TTC7B: variants seen among roughly 807,000 people sequenced by gnomAD.
TTC7B encodes the protein tetratricopeptide repeat protein 7B.
In TTC7B, 28 loss-of-function variants were observed where a neutral mutation model predicts 106.8. The observed-to-expected ratio is 0.26, with a 90% CI of 0.19 to 0.36. The LOEUF is 0.36. Ranked by LOEUF, TTC7B falls within the 10% of genes least tolerant of loss-of-function variation. TTC7B has a pLI of 1.00. For synonymous variants in TTC7B, 405 were observed against 430.6 expected (o/e 0.94, Z 0.74); for missense variants, 862 against 1,076.4 (o/e 0.80, Z 2.79).
At position 90,759,987 on chromosome 14, in the gene TTC7B, GAATT is replaced by G. The variant is rs764561504; in HGVS notation, c.446-15069_446-15066del. Reference sequence around the variant, plus strand: ...GCACTCACATATTTGCTGATTTAATGAATTAATTAATTATACAGTCTAGTTTGAG... The same window carrying G: ...GCACTCACATATTTGCTGATTTAATGAATTAATTATACAGTCTAGTTTGAG... On this transcript the variant is annotated intron_variant, in intron 3 of 19. Coordinates refer to ENST00000328459, the MANE Select transcript of TTC7B (RefSeq NM_001010854.2). This position sits in a 1 kb window ranked among gnomAD's most constrained non-coding sequence, Gnocchi z 4.1. Among the ~76,000 whole-genome samples, 67 of 152,294 alleles carry G rather than the reference GAATT, an allele frequency of 4.4e-4. No homozygotes were observed. The highest frequency in any genetic ancestry group is 7.2e-4 in the Non-Finnish European group (49 of 68,030).
At chr14:90,801,306 C>T (rs2030253077) in intron 1 of TTC7B, among the ~76,000 whole-genome samples, 1 of 152,044 alleles carries the variant, frequency 6.6e-6, no homozygotes, top group Non-Finnish European at 1.5e-5. Flanking sequence ...CAGGTCCTCC[C>T]CAAGAGTCCC....
In TTC7B at chr14:90,653,051, T is replaced by C. The variant is rs1371048793; in HGVS notation, c.1460-153A>G. Reference sequence around the variant, plus strand: ...GTCCTGCACCAGGCCCTGGAGAAGATAGGAAACAGAGCCCAGTCCTACCCC... The same window carrying C: ...GTCCTGCACCAGGCCCTGGAGAAGACAGGAAACAGAGCCCAGTCCTACCCC... On this transcript the variant is annotated intron_variant, in intron 12 of 19. Coordinates refer to ENST00000328459, the MANE Select transcript of TTC7B (RefSeq NM_001010854.2). 2.6e-5 allele frequency among the ~76,000 whole-genome samples: 4 copies of C among 152,030 alleles called. No individual in the cohort carries two copies. The East Asian group carries it at 5.8e-4, about 22-fold the overall frequency.
At chr14:90,739,490 C>T (rs188030274) in intron 4 of TTC7B, among the ~76,000 whole-genome samples, 144 of 152,280 alleles carry the variant, frequency 9.5e-4, no homozygotes, top group Non-Finnish European at 1.6e-3. Context: ...AACACCTCAG[C>T]GACATCACTG....
chr14:90,553,653 T>C (rs989687332), intron 19 of TTC7B, among the ~76,000 whole-genome samples: 2 of 152,204 alleles, frequency 1.3e-5, no homozygotes, highest in Non-Finnish European at 2.9e-5. Context: ...CTCTTTCCAC[T>C]TGATGGGCCT....
intron 5 of TTC7B, chr14:90,698,536 G>T (rs1020408023): frequency 1.3e-5 from 2 of 152,164 alleles, no homozygotes; most frequent in Non-Finnish European, 2.9e-5. Flanking sequence ...CCTTGCCTGA[G>T]AGAGTGCAAT....
chr14:90,580,750 G>A (rs1041727154), intron 18 of TTC7B, among the ~76,000 whole-genome samples: 5 of 152,180 alleles, frequency 3.3e-5, no homozygotes, highest in African/African-American at 1.2e-4. Flanking sequence ...CTGACCACCC[G>A]CCTCAGCTGA....
intron 5 of TTC7B, among the ~76,000 whole-genome samples, chr14:90,708,081 G>A (rs1888283755): frequency 6.7e-6 from 1 of 149,914 alleles, no homozygotes; most frequent in African/African-American, 2.5e-5. Context: ...AGGAGGTGGA[G>A]GTTGCAGTGA....
chr14:90,796,447 G>T (rs1436030373), intron 1 of TTC7B, among the ~76,000 whole-genome samples: 1 of 152,206 alleles, frequency 6.6e-6, no homozygotes, highest in African/African-American at 2.4e-5. Context: ...AACAGAGCCA[G>T]TCCCCTGAGC....
At chr14:90,620,815 CT>C (rs1269613483) in intron 15 of TTC7B, among the ~76,000 whole-genome samples, 1 of 152,196 alleles carries the variant, frequency 6.6e-6, no homozygotes, top group African/African-American at 2.4e-5. Context: ...GCCTTCTTGG[CT>C]GGAAAAAGAA....
chr14:90,553,471 TG>T (rs35903330), intron 19 of TTC7B, among the ~76,000 whole-genome samples: 11 of 152,208 alleles, frequency 7.2e-5, no homozygotes, highest in African/African-American at 2.7e-4. Flanking sequence ...CTGTCCCTCA[TG>T]GGCAGCACCC....
chr14:90,711,361 C>T (rs939197802), intron 5 of TTC7B, among the ~76,000 whole-genome samples: 1 of 152,094 alleles, frequency 6.6e-6, no homozygotes, highest in Non-Finnish European at 1.5e-5. Flanking sequence ...GAAATTAAGT[C>T]AATACTAACT....
At chr14:90,804,866 A>T (rs147146882) in intron 1 of TTC7B, among the ~76,000 whole-genome samples, 1 of 152,324 alleles carries the variant, frequency 6.6e-6, no homozygotes, top group African/African-American at 2.4e-5. Flanking sequence ...GCCCATCTGC[A>T]TTTGCGGAGA....
intron 14 of TTC7B, 57 bp from the exon 15 acceptor site, chr14:90,644,265 ACACACACACACACACG>A: frequency 1.5e-6 from 2 of 1,307,516 alleles, no homozygotes; most frequent in Non-Finnish European, 2.0e-6. Flanking sequence ...ACGCACACAC[ACACACACACACACACG>A]CGCGAAAGAA....
At chr14:90,599,432 C>T (rs1346856612) in intron 17 of TTC7B, among the ~76,000 whole-genome samples, 4 of 152,124 alleles carry the variant, frequency 2.6e-5, no homozygotes, top group Admixed American at 6.5e-5. Flanking sequence ...GTGCCAGGAA[C>T]GACGGACAGC....
rs1310660916 is a variant in TTC7B at position 90,608,870 on chromosome 14, G to A, written c.1966+1872C>T. On this transcript the variant is annotated intron_variant, in intron 17 of 19. Coordinates refer to ENST00000328459, the MANE Select transcript of TTC7B (RefSeq NM_001010854.2). The surrounding 1 kb of genome is among the most constrained non-coding windows in gnomAD (Gnocchi z 5.1). ...TCCAGGGAAATTAAGGTCCAGGCCA[G>A]CTGGAAGGAAAGGGGGTCTGAATTT... Among the ~76,000 whole-genome samples the A allele has an allele frequency of 2.0e-5, 3 of 152,232 alleles. No individual in the cohort carries two copies. In the South Asian group the frequency reaches 6.2e-4, roughly 31 times the overall value.
intron 4 of TTC7B, among the ~76,000 whole-genome samples, chr14:90,738,315 G>A (rs1889623656): frequency 6.6e-6 from 1 of 152,110 alleles, no homozygotes; most frequent in Non-Finnish European, 1.5e-5. Flanking sequence ...CATAGGTAGA[G>A]AAAGTTAGTA....
chr14:90,743,680 T>C (rs1334720562), intron 4 of TTC7B, among the ~76,000 whole-genome samples: 1 of 152,238 alleles, frequency 6.6e-6, no homozygotes, highest in Non-Finnish European at 1.5e-5. Flanking sequence ...GAATCCAATA[T>C]GTTCACGAAT....
intron 16 of TTC7B, among the ~76,000 whole-genome samples, chr14:90,611,714 C>T (rs953707335): frequency 2.6e-5 from 4 of 152,106 alleles, no homozygotes; most frequent in South Asian, 2.1e-4. Context: ...ACTGTTCACC[C>T]GGTAAAGCCA....
At chr14:90,611,363 G>A (rs1416108481) in intron 16 of TTC7B, among the ~76,000 whole-genome samples, 1 of 152,148 alleles carries the variant, frequency 6.6e-6, no homozygotes, top group African/African-American at 2.4e-5. Context: ...TGGGCTGATC[G>A]ACATTTTTCA....
Sources: gnomAD v4.1 joint callset for allele counts (sites outside exome capture counted in the v4.1 genomes callset) on GRCh38, gnomAD v4.1.1 for gene constraint, Gnocchi (gnomAD v3.1) non-coding constraint, MANE v1.5 for transcripts, NCBI Gene and HGNC (gene_info 2026-07-23, HGNC 2026-07-21) for gene names.